MICAL2: variants seen among roughly 807,000 people sequenced by gnomAD.
MICAL2 encodes the protein [F-actin]-monooxygenase MICAL2.
MICAL2 carries 77 observed loss-of-function variants against 127.3 expected under a neutral mutation model. That is an observed-to-expected ratio of 0.60 (90% CI 0.50 to 0.73). The LOEUF (loss-of-function observed/expected upper bound fraction) is 0.73, where lower values mean the gene tolerates loss of function less well. Among genes scored for constraint, MICAL2 ranks in the 30% least tolerant of loss-of-function variants. The pLI is 0.00. For synonymous variants in MICAL2, 570 were observed against 551.1 expected, an observed-to-expected ratio of 1.03 and a Z score of -0.48; for missense variants, 1,351 against 1,434.4, an observed-to-expected ratio of 0.94 and a Z score of 0.94.
At chr11:12,305,920 A>C (rs1039927615) in intron 29 of MICAL2, among the ~76,000 whole-genome samples, 2 of 148,486 alleles carry the variant, frequency 1.3e-5, no homozygotes, top group Non-Finnish European at 3.0e-5. Context: ...GACGTTTGAT[A>C]GCTTTAGAAT....
chr11:12,340,491 T>C (rs1938845237), intron 32 of MICAL2, among the ~76,000 whole-genome samples: 1 of 152,218 alleles, frequency 6.6e-6, no homozygotes, highest in Non-Finnish European at 1.5e-5. Flanking sequence ...GGCTGTGAAG[T>C]TGAATATGTG....
chr11:12,222,469 A>G, intron 10 of MICAL2, 148 bp from the exon 11 acceptor site: 1 of 1,109,626 alleles, frequency 9.0e-7, no homozygotes. Flanking sequence ...GATCTCAAGA[A>G]CCAGGAGAGT....
intron 2 of MICAL2, 60 bp from the exon 3 acceptor site, chr11:12,162,019 C>T: frequency 8.6e-7 from 1 of 1,168,288 alleles, no homozygotes; most frequent in Non-Finnish European, 1.2e-6. Flanking sequence ...TTCTCAGCAC[C>T]CATCCCCCAC....
chr11:12,204,562 T>C, intron 4 of MICAL2, 105 bp downstream of exon 4: 1 of 1,132,832 alleles, frequency 8.8e-7, no homozygotes. Flanking sequence ...TCTTAGTCCC[T>C]GGGGGCACCA....
At chr11:12,261,440 G>T (rs761517834) in intron 26 of MICAL2, 4 of 985,496 alleles carry the variant, frequency 4.1e-6, no homozygotes, top group Non-Finnish European at 4.8e-6. Flanking sequence ...TGGGTATCTA[G>T]AAGAGTCCTC....
intron 2 of MICAL2, among the ~76,000 whole-genome samples, chr11:12,154,542 T>C (rs577131943): frequency 6.7e-4 from 102 of 152,344 alleles, no homozygotes; most frequent in African/African-American, 2.3e-3. Flanking sequence ...CCTACACACA[T>C]ATCACCACTG....
intron 32 of MICAL2, among the ~76,000 whole-genome samples, chr11:12,334,017 C>A (rs530364564): frequency 6.6e-6 from 1 of 152,188 alleles, no homozygotes; most frequent in East Asian, 1.9e-4. Flanking sequence ...ACAAACAAAT[C>A]AATTCCATAA....
intron 3 of MICAL2, among the ~76,000 whole-genome samples, chr11:12,188,885 C>T (rs1258401054): frequency 6.6e-6 from 1 of 152,152 alleles, no homozygotes; most frequent in African/African-American, 2.4e-5. Context: ...AAATTTGTGT[C>T]ACTATGCGGA....
At chr11:12,143,129 C>T (rs1186305024) in intron 2 of MICAL2, among the ~76,000 whole-genome samples, 2 of 152,170 alleles carry the variant, frequency 1.3e-5, no homozygotes, top group East Asian at 1.9e-4. Context: ...GGGAAGACTG[C>T]ATTACCAAGG....
intron 21 of MICAL2, among the ~76,000 whole-genome samples, chr11:12,246,823 G>A (rs1343028814): frequency 6.6e-6 from 1 of 152,128 alleles, no homozygotes; most frequent in Non-Finnish European, 1.5e-5. Context: ...AGGCTGTCAG[G>A]ATATGTATTG....
chr11:12,192,641 G>C (rs531856191), intron 3 of MICAL2, among the ~76,000 whole-genome samples: 4 of 152,216 alleles, frequency 2.6e-5, no homozygotes, highest in African/African-American at 9.6e-5. Context: ...ACCCAGGTGC[G>C]ATGATGGGTA....
chr11:12,311,737 G>T (rs1864176766), intron 29 of MICAL2, among the ~76,000 whole-genome samples: 1 of 152,146 alleles, frequency 6.6e-6, no homozygotes, highest in South Asian at 2.1e-4. Context: ...TCAGGTTTTG[G>T]TATTAAGCTT....
At chr11:12,167,632 A>T (rs1362381041) in intron 3 of MICAL2, among the ~76,000 whole-genome samples, 1 of 152,196 alleles carries the variant, frequency 6.6e-6, no homozygotes, top group South Asian at 2.1e-4. Context: ...CATAACCGAT[A>T]AAGCAGAAGA....
chr11:12,261,011 C>G (rs1863037999), intron 26 of MICAL2: 1 of 985,430 alleles, frequency 1.0e-6, no homozygotes, highest in Admixed American at 6.1e-5. Flanking sequence ...GGCATTTTAG[C>G]CCCTGTGGCT....
At chr11:12,318,979 C>A (rs1004869829) in intron 29 of MICAL2, among the ~76,000 whole-genome samples, 1 of 152,200 alleles carries the variant, frequency 6.6e-6, no homozygotes, top group Non-Finnish European at 1.5e-5. Flanking sequence ...CTTAAACTGC[C>A]TTTCCTGGCA....
chr11:12,152,953 T>G (rs1590092662), intron 2 of MICAL2, among the ~76,000 whole-genome samples: 1 of 141,504 alleles, frequency 7.1e-6, no homozygotes, highest in Non-Finnish European at 1.5e-5. Flanking sequence ...GGTGGTAGGG[T>G]TTTTTTTTTT....
At chr11:12,132,715 GTC>G in intron 1 of MICAL2, among the ~76,000 whole-genome samples, 3 of 152,346 alleles carry the variant, frequency 2.0e-5, no homozygotes, top group South Asian at 4.1e-4. Context: ...ATAGAGCCAA[GTC>G]TCTGCCAAGA....
At chr11:12,244,156 C>T (rs1590601047) in intron 21 of MICAL2, 44 bp downstream of exon 21, 1 of 1,610,526 alleles carries the variant, frequency 6.2e-7, no homozygotes, top group Non-Finnish European at 8.5e-7. Context: ...CCTGCATGTT[C>T]CCAGATGTTC....
chr11:12,291,704 G>A (rs56283338), downstream of MICAL2, among the ~76,000 whole-genome samples: 318 of 152,348 alleles, frequency 2.1e-3, 2 homozygotes, highest in African/African-American at 7.3e-3. Context: ...AGTCGTGGAT[G>A]TCTATCCTGT....
Sources: gnomAD v4.1 joint callset for allele counts (sites outside exome capture counted in the v4.1 genomes callset) on GRCh38, gnomAD v4.1.1 for gene constraint, MANE v1.5 for transcripts, NCBI Gene and HGNC (gene_info 2026-07-23, HGNC 2026-07-21) for gene names.